The following ANKMY1 variants were observed in gnomAD, a reference collection of about 807,000 sequenced individuals.
ANKMY1 encodes the protein ankyrin repeat and MYND domain-containing protein 1.
ANKMY1 carries 98 observed loss-of-function variants against 102.0 expected under a neutral mutation model. The ratio of observed to expected loss-of-function variants is 0.96; its 90% CI spans 0.82 to 1.14. The LOEUF (loss-of-function observed/expected upper bound fraction) is 1.14, where lower values mean the gene tolerates loss of function less well. ANKMY1 is among the 50% of genes most tolerant of loss of function. ANKMY1 has a pLI of 0.00. For missense variants in ANKMY1, 1,330 were observed against 1,347.6 expected (o/e 0.99, Z 0.20); for synonymous variants, 582 against 559.9 (o/e 1.04, Z -0.56).
chr2:240,520,582 C>G lies in ANKMY1; in HGVS notation c.1833-49G>C, dbSNP rs1396280235. 3 of 1,566,040 alleles carry G rather than the reference C, an allele frequency of 1.9e-6. No homozygotes were observed. Among genetic ancestry groups the G allele is most frequent in the Middle Eastern group, 1.8e-4 (1 of 5,438 alleles). On this transcript the variant is annotated intron_variant, in intron 8 of 17. Transcript: ENST00000401804. The surrounding 1 kb of genome is among the most constrained non-coding windows in gnomAD (Gnocchi z 4.8). ...GGCCCCTGGAGGGCAGGCACCTGCACTGCGCCCAGAACGGGGCCATGCCAG... is the reference window on the plus strand; with the variant it reads ...GGCCCCTGGAGGGCAGGCACCTGCAGTGCGCCCAGAACGGGGCCATGCCAG...
intron 7 of ANKMY1, among the ~76,000 whole-genome samples, chr2:240,524,654 C>T (rs573281378): frequency 1.3e-5 from 2 of 152,340 alleles, no homozygotes; most frequent in East Asian, 3.9e-4. Context: ...CTGTCCGCAC[C>T]CAGGTGCTTA....
chr2:240,560,957 C>A, upstream of ANKMY1: 2 of 1,519,186 alleles, frequency 1.3e-6, no homozygotes, highest in East Asian at 2.7e-5. Flanking sequence ...CCATGGAGGC[C>A]GCGGTGCGCG....
At chr2:240,485,315 G>A (rs1356349078) in intron 15 of ANKMY1, among the ~76,000 whole-genome samples, 19 of 145,200 alleles carry the variant, frequency 1.3e-4, no homozygotes, top group Admixed American at 9.0e-4. Context: ...GCGACAGAGC[G>A]AGACTCCGTC....
At position 240,512,789 on chromosome 2, in the gene ANKMY1, G is replaced by C. The variant is rs781345431; in HGVS notation, c.2145+13C>G. 8 of 1,610,902 alleles carry C rather than the reference G, an allele frequency of 5.0e-6. No individual in the cohort carries two copies. The highest frequency in any genetic ancestry group is 6.8e-6 in the Non-Finnish European group (8 of 1,178,280). ...AAGGCCCCATACCCCTATCCAGGTC[G>C]CGAGGTACACACCTTGCCGGGCTTG... On this transcript the variant is annotated intron_variant, in intron 10 of 17. Coordinates refer to ENST00000401804, the MANE Select transcript of ANKMY1 (RefSeq NM_001282771.3).
At chr2:240,507,370 C>A (rs2079263557) in intron 13 of ANKMY1, among the ~76,000 whole-genome samples, 190 bp downstream of exon 13, 1 of 148,120 alleles carries the variant, frequency 6.8e-6, no homozygotes, top group African/African-American at 2.5e-5. Context: ...CTCCCGCCCC[C>A]CCTCACCAGG....
chr2:240,560,909 T>G (rs1408473694), upstream of ANKMY1: 1 of 1,533,166 alleles, frequency 6.5e-7, no homozygotes, highest in East Asian at 2.6e-5. Flanking sequence ...ACGACCCGGC[T>G]GAGGACCTGC....
rs1269698276 is a variant in ANKMY1, at chr2:240,482,116, G to A, written c.2885+67C>T. On this transcript the variant is annotated intron_variant, in intron 16 of 17. Coordinates refer to ENST00000401804, the MANE Select transcript of ANKMY1 (RefSeq NM_001282771.3). Reference sequence around the variant, plus strand: ...TCCCGGGATGAGGTGGTCAGGCCAGGCACAACAGCACTGTCCAAACCACAG... The same window carrying A: ...TCCCGGGATGAGGTGGTCAGGCCAGACACAACAGCACTGTCCAAACCACAG... The A allele has an allele frequency of 3.9e-6, 6 of 1,535,108 alleles. No individual in the cohort carries two copies. The East Asian group carries it at 1.2e-4, about 30-fold the overall frequency.
intron 17 of ANKMY1, among the ~76,000 whole-genome samples, chr2:240,480,632 C>T (rs776047530): frequency 6.6e-5 from 10 of 152,122 alleles, no homozygotes; most frequent in African/African-American, 9.7e-5. Context: ...CCTAGGAGTT[C>T]AGTGAAGCTC....
chr2:240,560,880 C>G, upstream of ANKMY1: 1 of 1,443,616 alleles, frequency 6.9e-7, no homozygotes, highest in Middle Eastern at 2.4e-4. Context: ...CGTGGCAGAG[C>G]TGCGCGTGCC....
intron 2 of ANKMY1, among the ~76,000 whole-genome samples, chr2:240,556,918 G>T (rs2092408939): frequency 6.6e-6 from 1 of 152,176 alleles, no homozygotes; most frequent in South Asian, 2.1e-4. Context: ...GCCCCATCTC[G>T]TGAGGGAAAC....
At chr2:240,559,358 G>A (rs904228377), upstream of ANKMY1, among the ~76,000 whole-genome samples, 2 of 152,176 alleles carry the variant, frequency 1.3e-5, no homozygotes, top group African/African-American at 2.4e-5. Flanking sequence ...TGGCATCAAG[G>A]ACCTTGGCTC....
chr2:240,478,087 GAA>G, downstream of ANKMY1, among the ~76,000 whole-genome samples: 1 of 149,752 alleles, frequency 6.7e-6, no homozygotes. Flanking sequence ...TGGCTGTTTT[GAA>G]AAGTGTGTGG....
intron 2 of ANKMY1, 95 bp downstream of exon 2, chr2:240,557,095 G>GTTT: frequency 7.6e-7 from 1 of 1,319,526 alleles, no homozygotes; most frequent in Non-Finnish European, 9.9e-7. Context: ...GAGTAACACA[G>GTTT]TTCAGGGATT....
intron 13 of ANKMY1, among the ~76,000 whole-genome samples, chr2:240,507,282 C>T (rs1156763524): frequency 6.6e-6 from 1 of 151,962 alleles, no homozygotes; most frequent in Non-Finnish European, 1.5e-5. Flanking sequence ...AGGACCCCAC[C>T]CCCAGACCCC....
At chr2:240,540,894 G>A (rs2152514375) in intron 4 of ANKMY1, among the ~76,000 whole-genome samples, 1 of 152,314 alleles carries the variant, frequency 6.6e-6, no homozygotes, top group Non-Finnish European at 1.5e-5. Context: ...GGCTGGAGGT[G>A]AGAGTCTCCG....
At chr2:240,510,270 T>C (rs2079920147) in intron 11 of ANKMY1, among the ~76,000 whole-genome samples, 3 of 117,204 alleles carry the variant, frequency 2.6e-5, no homozygotes, top group South Asian at 3.3e-4. Context: ...CCTCCCTGCC[T>C]CCTGCCCTCC....
At chr2:240,560,838 TC>T (rs1455949835), upstream of ANKMY1, 1 of 1,398,040 alleles carries the variant, frequency 7.2e-7, no homozygotes, top group Non-Finnish European at 9.2e-7. Context: ...CGTCAACGTC[TC>T]CCGCCAGCAG....
In ANKMY1 at chr2:240,557,194, T is replaced by A. The variant is rs1019573403; in HGVS notation, c.142A>T (p.Thr48Ser). The A allele has an allele frequency of 2.0e-6, 3 of 1,527,336 alleles. No individual in the cohort carries two copies. The African/African-American group carries it at 4.2e-5, about 21-fold the overall frequency. 94.6% of individuals were successfully genotyped at this position (1,527,336 alleles called of 1,614,324 possible). ...GSLKNYAVFA[T>S]RDVSAAPEKE... ...CCGCTGGAGGGTCCCCCGCACCTTGTGGCGAAGACAGCGTAGTTCTTCAGG... is the reference window on the plus strand; with the variant it reads ...CCGCTGGAGGGTCCCCCGCACCTTGAGGCGAAGACAGCGTAGTTCTTCAGG... Residue 48 changes from threonine (T) to serine (S), a missense_variant, in exon 2 of 18, where the codon ACA becomes TCA. By Grantham distance (58) the Thr-to-Ser change is moderately conservative. Coordinates refer to ENST00000401804, the MANE Select transcript of ANKMY1 (RefSeq NM_001282771.3).
intron 15 of ANKMY1, among the ~76,000 whole-genome samples, chr2:240,487,220 G>A (rs888544300): frequency 5.3e-5 from 8 of 152,160 alleles, no homozygotes; most frequent in Admixed American, 3.9e-4. Flanking sequence ...ATATAAGTGA[G>A]AACATATGAT....
Sources: allele counts gnomAD v4.1 joint callset (sites outside exome capture counted in the v4.1 genomes callset), GRCh38; gene constraint gnomAD v4.1.1; non-coding constraint Gnocchi (gnomAD v3.1); transcripts MANE v1.5; gene names NCBI Gene and HGNC (gene_info 2026-07-23, HGNC 2026-07-21).